LDLRAD4: variants seen among roughly 807,000 people sequenced by gnomAD.
LDLRAD4 encodes the protein low density lipoprotein receptor class A domain containing 4, also known as low-density lipoprotein receptor class A domain-containing protein 4.
In LDLRAD4, 5 loss-of-function variants were observed where a neutral mutation model predicts 17.0. The observed-to-expected ratio is 0.29, with a 90% CI of 0.15 to 0.62. The LOEUF is 0.62. LDLRAD4 is among the 20% of genes least tolerant of loss of function. The pLI, the probability that LDLRAD4 is intolerant of heterozygous loss-of-function variation, is 0.84. For synonymous variants in LDLRAD4, 168 were observed against 171.8 expected, an observed-to-expected ratio of 0.98 and a Z score of 0.17; for missense variants, 340 against 424.7, an observed-to-expected ratio of 0.80 and a Z score of 1.75.
At chr18:13,495,026 T>C (rs1249544346) in intron 3 of LDLRAD4, among the ~76,000 whole-genome samples, 2 of 152,066 alleles carry the variant, frequency 1.3e-5, no homozygotes, top group South Asian at 4.1e-4. Context: ...TAAGGTCTCA[T>C]TTGGCATCAA....
chr18:13,530,420 T>G (rs1050703520), intron 3 of LDLRAD4, among the ~76,000 whole-genome samples: 5 of 152,216 alleles, frequency 3.3e-5, no homozygotes, highest in Non-Finnish European at 5.9e-5. Context: ...TCTGGAGCAT[T>G]CCGAGGCTTT....
At chr18:13,574,550 G>T (rs1206274994) in intron 3 of LDLRAD4, among the ~76,000 whole-genome samples, 1 of 152,184 alleles carries the variant, frequency 6.6e-6, no homozygotes, top group Non-Finnish European at 1.5e-5. Context: ...GCAGGACCAT[G>T]GCCGATGTGT....
At chr18:13,220,972 C>G (rs1408563577) in intron 1 of LDLRAD4, among the ~76,000 whole-genome samples, 1 of 152,178 alleles carries the variant, frequency 6.6e-6, no homozygotes, top group East Asian at 1.9e-4. Flanking sequence ...AAACCAAAGC[C>G]ACCTCAGGGC....
At chr18:13,452,286 T>A (rs994341667) in intron 3 of LDLRAD4, among the ~76,000 whole-genome samples, 1 of 151,822 alleles carries the variant, frequency 6.6e-6, no homozygotes, top group African/African-American at 2.4e-5. Context: ...AGTTTTGGGG[T>A]TCACGGTGGC....
chr18:13,505,076 C>A (rs994561752), intron 3 of LDLRAD4, among the ~76,000 whole-genome samples: 4 of 152,202 alleles, frequency 2.6e-5, no homozygotes, highest in African/African-American at 9.7e-5. Flanking sequence ...TTGTCCCTGG[C>A]ATGCTGTGGG....
At chr18:13,266,458 G>A (rs1407440866) in intron 1 of LDLRAD4, among the ~76,000 whole-genome samples, 1 of 152,230 alleles carries the variant, frequency 6.6e-6, no homozygotes, top group Non-Finnish European at 1.5e-5. Context: ...CCAACCCTGG[G>A]CTTGGCTTTC....
intron 1 of LDLRAD4, among the ~76,000 whole-genome samples, chr18:13,375,581 G>A (rs570242848): frequency 6.6e-6 from 1 of 152,138 alleles, no homozygotes; most frequent in Non-Finnish European, 1.5e-5. Context: ...TGGTGGTAAG[G>A]ACAAAGTAAA....
intron 1 of LDLRAD4, among the ~76,000 whole-genome samples, chr18:13,305,203 T>C (rs1182485508): frequency 6.6e-6 from 1 of 152,204 alleles, no homozygotes; most frequent in Non-Finnish European, 1.5e-5. Flanking sequence ...TGCGTACCTG[T>C]TATAAAAAGT....
At chr18:13,476,409 G>T (rs556203949) in intron 3 of LDLRAD4, among the ~76,000 whole-genome samples, 137 of 152,220 alleles carry the variant, frequency 9.0e-4, no homozygotes, top group Non-Finnish European at 1.5e-3. Context: ...AGGATCGCTT[G>T]AGTCCAGGAG....
At chr18:13,466,145 GTC>G (rs2092608817) in intron 3 of LDLRAD4, among the ~76,000 whole-genome samples, 1 of 152,176 alleles carries the variant, frequency 6.6e-6, no homozygotes. Flanking sequence ...GCAATTAGTT[GTC>G]TCTTTCAGGG....
chr18:13,230,643 G>A lies in LDLRAD4; in HGVS notation c.-467+11655G>A, dbSNP rs190108676. On this transcript the variant is annotated intron_variant, in intron 1 of 5. Transcript: ENST00000399848. ...TGTTAAGACAGGGGGAGGGCAGGGC[G>A]GGCCATGCATGGCTGCAGGTGGGGG... 8.2e-3 allele frequency among the ~76,000 whole-genome samples: 1,252 copies of A among 152,010 alleles called. 8 individuals are homozygous for A. Among genetic ancestry groups the A allele is most frequent in the Middle Eastern group, 0.017 (5 of 294 alleles).
intron 1 of LDLRAD4, among the ~76,000 whole-genome samples, chr18:13,261,632 C>G (rs867238210): frequency 6.6e-6 from 1 of 152,144 alleles, no homozygotes; most frequent in African/African-American, 2.4e-5. Flanking sequence ...TTCCATCAAC[C>G]GTGCGGTTAG....
At chr18:13,503,954 T>C (rs1041563670) in intron 3 of LDLRAD4, among the ~76,000 whole-genome samples, 4 of 152,214 alleles carry the variant, frequency 2.6e-5, no homozygotes, top group Non-Finnish European at 5.9e-5. Context: ...TAGGCAAGGC[T>C]CATATAGTAC....
In LDLRAD4 at chr18:13,650,358, C is replaced by T. The variant is rs551578023; in HGVS notation, c.*4701C>T. ...AATGTCTTCCTTCATCCTTTTCTTT[C>T]TTCCCTCTGCGTGTCCTTGTTTTTG... On this transcript the variant is annotated 3_prime_UTR_variant, in exon 6 of 6. Transcript: ENST00000359446. 1.5e-5 allele frequency: 6 copies of T among 399,688 alleles called. No individual in the cohort carries two copies. The Admixed American group carries it at 2.6e-4, about 18-fold the overall frequency. The allele number at this position is 399,688 out of a possible 1,614,324, so 24.8% of individuals were successfully genotyped here. A position where few individuals can be genotyped will look rare whatever the true frequency, so the allele number is the denominator to read the frequency against.
At chr18:13,355,650 G>T (rs2083292328) in intron 1 of LDLRAD4, among the ~76,000 whole-genome samples, 1 of 150,790 alleles carries the variant, frequency 6.6e-6, no homozygotes, top group South Asian at 2.1e-4. Context: ...GTTTTTTTTT[G>T]AAAGGCAGTC....
At chr18:13,299,927 G>C (rs938808734) in intron 1 of LDLRAD4, among the ~76,000 whole-genome samples, 2 of 152,184 alleles carry the variant, frequency 1.3e-5, no homozygotes, top group Non-Finnish European at 2.9e-5. Flanking sequence ...GTGGTGGTGG[G>C]TGTTTTAGGG....
intron 1 of LDLRAD4, chr18:13,240,652 A>G (rs528371561): frequency 6.6e-6 from 1 of 151,444 alleles, no homozygotes; most frequent in Non-Finnish European, 1.5e-5. Context: ...ATGCGCATGT[A>G]TGCGTGCGCA....
intron 3 of LDLRAD4, among the ~76,000 whole-genome samples, chr18:13,477,354 T>G (rs1226304905): frequency 6.6e-6 from 1 of 152,108 alleles, no homozygotes; most frequent in African/African-American, 2.4e-5. Context: ...CGAGAAAGCA[T>G]CCAGCAGCAG....
chr18:13,612,736 T>C, intron 3 of LDLRAD4: 1 of 1,613,928 alleles, frequency 6.2e-7, no homozygotes, highest in Non-Finnish European at 8.5e-7. Context: ...AACAGCACAC[T>C]GAAGGAGGCT....
Sources: allele counts gnomAD v4.1 joint callset (sites outside exome capture counted in the v4.1 genomes callset), GRCh38; gene constraint gnomAD v4.1.1; transcripts MANE v1.5; gene names NCBI Gene and HGNC (gene_info 2026-07-23, HGNC 2026-07-21).